The following HECW1 variants were observed in gnomAD, a reference collection of about 807,000 sequenced individuals.
HECW1 encodes the protein E3 ubiquitin-protein ligase HECW1.
Under a neutral mutation model 182.3 loss-of-function variants are expected in HECW1, and 61 were observed. The ratio of observed to expected loss-of-function variants is 0.33; its 90% CI spans 0.27 to 0.41. The LOEUF (loss-of-function observed/expected upper bound fraction) is 0.41, where lower values mean the gene tolerates loss of function less well. Among genes scored for constraint, HECW1 ranks in the 10% least tolerant of loss-of-function variants. The pLI, the probability that HECW1 is intolerant of heterozygous loss-of-function variation, is 1.00. For missense variants in HECW1, 1,739 were observed against 2,108.9 expected (o/e 0.82, Z 3.44); for synonymous variants, 859 against 832.6 (o/e 1.03, Z -0.55).
chr7:43,153,362 G>A (rs536768519), intron 2 of HECW1, among the ~76,000 whole-genome samples: 6 of 152,276 alleles, frequency 3.9e-5, no homozygotes, highest in Admixed American at 1.3e-4. Context: ...ATGTATATCC[G>A]TGAACTTTGG....
At chr7:43,186,959 A>G (rs1004908706) in intron 2 of HECW1, among the ~76,000 whole-genome samples, 3 of 152,220 alleles carry the variant, frequency 2.0e-5, no homozygotes, top group African/African-American at 7.2e-5. Flanking sequence ...ATTAAGTGAC[A>G]TGAATGTATT....
At chr7:43,474,782 C>T (rs2152903633) in intron 16 of HECW1, among the ~76,000 whole-genome samples, 1 of 152,052 alleles carries the variant, frequency 6.6e-6, no homozygotes, top group East Asian at 1.9e-4. Context: ...TGGTATATAC[C>T]TGCAATGAAA....
chr7:43,119,075 G>A (rs1408103315), intron 2 of HECW1: 2 of 152,210 alleles, frequency 1.3e-5, no homozygotes, highest in Non-Finnish European at 2.9e-5. Flanking sequence ...AATATATGAA[G>A]CAAAATATGA....
chr7:43,394,327 T>C (rs10281361), intron 6 of HECW1, among the ~76,000 whole-genome samples: 4 of 151,864 alleles, frequency 2.6e-5, no homozygotes, highest in African/African-American at 9.7e-5. Flanking sequence ...ATAACAGACA[T>C]AAAGGAGGAG....
intron 12 of HECW1, among the ~76,000 whole-genome samples, chr7:43,451,479 A>G (rs2077233953): frequency 6.6e-6 from 1 of 152,238 alleles, no homozygotes; most frequent in Non-Finnish European, 1.5e-5. Flanking sequence ...ATAGAATTCA[A>G]TGTCAGTTTC....
chr7:43,410,565 C>T (rs2075768946), intron 8 of HECW1, among the ~76,000 whole-genome samples: 1 of 152,158 alleles, frequency 6.6e-6, no homozygotes, highest in Non-Finnish European at 1.5e-5. Flanking sequence ...GGAAGTTTTC[C>T]TCCTCATATT....
At chr7:43,160,061 T>C (rs532302115) in intron 2 of HECW1, among the ~76,000 whole-genome samples, 1 of 152,370 alleles carries the variant, frequency 6.6e-6, no homozygotes, top group African/African-American at 2.4e-5. Context: ...ATTAAACTAT[T>C]GTTTCACTTC....
In HECW1 at chr7:43,442,589, G is replaced by A. The variant is rs186034589; in HGVS notation, c.1005G>A (p.Gln335=). Residue 335 remains glutamine (Q), a synonymous_variant, in exon 10 of 30, where the codon CAG becomes CAA. Coordinates refer to ENST00000395891, the MANE Select transcript of HECW1 (RefSeq NM_015052.5). ...TTCCAACAGATCATGTGAGTGGACA[G>A]CTGCAATTCCGATTTGAGATCACTT... The part of the protein sequence containing the change: ...RRLPTDHVSG[Q]LQFRFEITSS... The A allele has an allele frequency of 4.6e-3, 7,447 of 1,613,914 alleles. 108 individuals carry two copies. Among genetic ancestry groups the A allele is most frequent in the Non-Finnish European group, 3.1e-3 (3,630 of 1,179,838 alleles).
chr7:43,284,131 T>C (rs1804289750), intron 3 of HECW1, among the ~76,000 whole-genome samples: 1 of 152,192 alleles, frequency 6.6e-6, no homozygotes, highest in Non-Finnish European at 1.5e-5. Context: ...CCTTCTCACC[T>C]GGTTCTCTGC....
chr7:43,188,177 A>G (rs1793585894), intron 2 of HECW1, among the ~76,000 whole-genome samples: 1 of 152,172 alleles, frequency 6.6e-6, no homozygotes, highest in Non-Finnish European at 1.5e-5. Flanking sequence ...CTTCAGCCCC[A>G]TTCATTCCAA....
chr7:43,481,974 CAA>C (rs767419071), intron 17 of HECW1, among the ~76,000 whole-genome samples: 19,184 of 81,050 alleles, frequency 0.24, 1,575 homozygotes, highest in Middle Eastern at 0.35. Context: ...GACTCCATCT[CAA>C]AAAAAAAAAA....
In HECW1 at chr7:43,311,738, GCTCA is replaced by G. The variant is rs763925559; in HGVS notation, c.28-22_28-19del. 11 of 1,610,756 alleles carry G rather than the reference GCTCA, an allele frequency of 6.8e-6. No individual in the cohort carries two copies. In the Admixed American group the frequency reaches 1.0e-4, roughly 15 times the overall value. ...TGAGTTGCCGGCGTGCCCTGACCCT[GCTCA>G]CTGTCTCTTTGCTCCCACAGAATCT... On this transcript the variant is annotated intron_variant, in intron 3 of 29. Transcript: ENST00000395891.
chr7:43,507,013 T>C (rs1447495696), intron 21 of HECW1, 124 bp from the exon 22 acceptor site: 2 of 1,191,504 alleles, frequency 1.7e-6, no homozygotes, highest in East Asian at 3.0e-5. Flanking sequence ...GAAGTTGCGG[T>C]AAGCCGAGAG....
chr7:43,399,411 G>T (rs765604871), intron 7 of HECW1, among the ~76,000 whole-genome samples: 11 of 152,196 alleles, frequency 7.2e-5, no homozygotes, highest in Non-Finnish European at 2.9e-5. Context: ...CTATTGAAAT[G>T]CTTAAGAAAT....
chr7:43,430,524 T>C (rs192798596), intron 8 of HECW1, among the ~76,000 whole-genome samples: 2 of 152,230 alleles, frequency 1.3e-5, no homozygotes. Flanking sequence ...GGAAGTATTT[T>C]GACTTTTCCC....
At chr7:43,339,004 G>A (rs1489391315) in intron 5 of HECW1, among the ~76,000 whole-genome samples, 1 of 152,136 alleles carries the variant, frequency 6.6e-6, no homozygotes, top group Non-Finnish European at 1.5e-5. Flanking sequence ...ACTTAGGAAT[G>A]TCATTTATCT....
intron 27 of HECW1, 140 bp downstream of exon 27, chr7:43,550,731 C>T (rs547007604): frequency 2.9e-5 from 23 of 781,108 alleles, no homozygotes; most frequent in East Asian, 5.4e-5. Context: ...GTGGGCTCAG[C>T]GAGTGCTCCT....
intron 3 of HECW1, among the ~76,000 whole-genome samples, chr7:43,252,278 C>T (rs567221529): frequency 1.3e-5 from 2 of 152,154 alleles, no homozygotes; most frequent in Admixed American, 1.3e-4. Context: ...TGCCCCCAGT[C>T]AGTATCCGTG....
At chr7:43,340,106 C>A (rs958204612) in intron 5 of HECW1, among the ~76,000 whole-genome samples, 27 of 151,964 alleles carry the variant, frequency 1.8e-4, no homozygotes, top group African/African-American at 6.5e-4. Context: ...CACTGCTCTG[C>A]AGTGCCTGGA....
Sources: gnomAD v4.1 joint callset for allele counts (sites outside exome capture counted in the v4.1 genomes callset) on GRCh38, gnomAD v4.1.1 for gene constraint, MANE v1.5 for transcripts, NCBI Gene and HGNC (gene_info 2026-07-23, HGNC 2026-07-21) for gene names.